Variants in TSPAN17 observed in about 807,000 individuals in gnomAD.
TSPAN17 encodes the protein tetraspanin-17.
A neutral mutation model predicts 40.5 loss-of-function variants in TSPAN17; 33 were observed. The ratio of observed to expected loss-of-function variants is 0.81; its 90% CI spans 0.62 to 1.09. TSPAN17 has a LOEUF of 1.09. Ranked by LOEUF, TSPAN17 falls within the 50% of genes least tolerant of loss-of-function variation. The pLI is 0.00. For synonymous variants in TSPAN17, 166 were observed against 169.4 expected, an observed-to-expected ratio of 0.98 and a Z score of 0.15; for missense variants, 365 against 416.8, an observed-to-expected ratio of 0.88 and a Z score of 1.08.
rs996796830 is a variant in TSPAN17 at position 176,650,863 on chromosome 5, C to T, written c.88-753C>T. Among the ~76,000 whole-genome samples, 1 of 152,180 alleles carries T rather than the reference C, an allele frequency of 6.6e-6. No homozygotes were observed. The highest frequency in any genetic ancestry group is 6.5e-5 in the Admixed American group (1 of 15,284). On this transcript the variant is annotated intron_variant, in intron 1 of 8. Transcript: ENST00000508164. This position sits in a 1 kb window ranked among gnomAD's most constrained non-coding sequence, Gnocchi z 4.0. ...TGCCCAGGGTCAGGTGTGAGAGTGACCAGCCTGGACATCCAGGGCTCTTCC... is the reference window on the plus strand; with the variant it reads ...TGCCCAGGGTCAGGTGTGAGAGTGATCAGCCTGGACATCCAGGGCTCTTCC...
At chr5:176,655,189 T>C (rs1335971810) in intron 5 of TSPAN17, among the ~76,000 whole-genome samples, 169 bp downstream of exon 5, 1 of 152,202 alleles carries the variant, frequency 6.6e-6, no homozygotes, top group Non-Finnish European at 1.5e-5. Context: ...CTGCTTTCCC[T>C]GTTCAGCAAG....
chr5:176,654,979 C>T lies in TSPAN17; in HGVS notation c.541C>T (p.Arg181Cys), dbSNP rs372576600. 27 of 1,611,498 alleles carry T rather than the reference C, an allele frequency of 1.7e-5. No homozygotes were observed. The highest frequency in any genetic ancestry group is 1.6e-4 in the Middle Eastern group (1 of 6,076). ...CACTGACTTGAACCCCAGCCGGGAGCGCTGCGGGGTGCCCTTCTCCTGCTG... is the reference window on the plus strand; with the variant it reads ...CACTGACTTGAACCCCAGCCGGGAGTGCTGCGGGGTGCCCTTCTCCTGCTG... ...NCTDLNPSRE[R>C]CGVPFSCCVR... The change falls in exon 5 of 9, where the codon CGC becomes TGC. Residue 181 changes from arginine (R) to cysteine (C), a missense_variant. Arg to Cys is a radical substitution (Grantham distance 180, BLOSUM62 -3). Coordinates refer to ENST00000508164, the MANE Select transcript of TSPAN17 (RefSeq NM_130465.5). This position sits in a 1 kb window ranked among gnomAD's most constrained non-coding sequence, Gnocchi z 4.3.
intron 5 of TSPAN17, 81 bp downstream of exon 5, chr5:176,655,101 G>C (rs1352309913): frequency 2.0e-6 from 3 of 1,467,598 alleles, no homozygotes; most frequent in Non-Finnish European, 2.7e-6. Context: ...GCCCCGCTCC[G>C]CTCTGCCCTG....
intron 5 of TSPAN17, among the ~76,000 whole-genome samples, chr5:176,655,270 A>T (rs1334890501): frequency 6.6e-6 from 1 of 152,158 alleles, no homozygotes. Flanking sequence ...ACTGGCCTGG[A>T]GGCCTCCCTG....
Position 176,651,903 on chromosome 5 carries a change from G to T in TSPAN17, c.285+3G>T, listed in dbSNP as rs1386233915. 1 of 1,613,822 alleles carries T rather than the reference G, an allele frequency of 6.2e-7. No individual in the cohort carries two copies. The highest frequency in any genetic ancestry group is 8.5e-7 in the Non-Finnish European group (1 of 1,180,012). On this transcript the variant is annotated splice_donor_region_variant and intron_variant, in intron 3 of 8. Transcript: ENST00000508164. This position sits in a 1 kb window ranked among gnomAD's most constrained non-coding sequence, Gnocchi z 4.5. Reference sequence around the variant, plus strand: ...AGAACACCTTCCTGCTCAAGTTTGTGAGTGCTGCCCTCAAGATCCCCTGGG... The same window carrying T: ...AGAACACCTTCCTGCTCAAGTTTGTTAGTGCTGCCCTCAAGATCCCCTGGG...
chr5:176,657,458 C>A, intron 8 of TSPAN17, 60 bp from the exon 9 acceptor site: 1 of 1,549,122 alleles, frequency 6.5e-7, no homozygotes, highest in South Asian at 1.2e-5. Flanking sequence ...CCACCTCAGC[C>A]TCAGTGTCCC....
At chr5:176,653,005 T>C (rs1253174213) in intron 4 of TSPAN17, 92 bp downstream of exon 4, 4 of 1,407,684 alleles carry the variant, frequency 2.8e-6, no homozygotes, top group Non-Finnish European at 4.0e-6. Flanking sequence ...GACCATCTCC[T>C]TACCCACCTG....
Position 176,654,571 on chromosome 5 carries a change from G to T in TSPAN17, c.457-324G>T. The T allele has an allele frequency of 3.4e-6, 1 of 295,744 alleles. No homozygotes were observed. The highest frequency in any genetic ancestry group is 4.8e-5 in the Admixed American group (1 of 20,994). The allele number at this position is 295,744 out of a possible 1,614,324, so 18.3% of individuals were successfully genotyped here. A position where few individuals can be genotyped will look rare whatever the true frequency, so the allele number is the denominator to read the frequency against. ...GGGCCCAGCGGTCTCTGCTGCCACAGGGCTTGGCCCAGCGCCTGCCTCTCA... is the reference window on the plus strand; with the variant it reads ...GGGCCCAGCGGTCTCTGCTGCCACATGGCTTGGCCCAGCGCCTGCCTCTCA... On this transcript the variant is annotated intron_variant, in intron 4 of 8. Transcript: ENST00000508164. The surrounding 1 kb of genome is among the most constrained non-coding windows in gnomAD (Gnocchi z 4.3).
intron 4 of TSPAN17, 182 bp downstream of exon 4, chr5:176,653,095 C>T (rs1748061177): frequency 4.8e-6 from 3 of 619,402 alleles, no homozygotes; most frequent in Admixed American, 3.0e-5. Context: ...TATGGGTCCC[C>T]ATTTGCCTAG....
chr5:176,651,600 G>A lies in TSPAN17; in HGVS notation c.88-16G>A. 6.2e-7 allele frequency: 1 copy of A among 1,610,392 alleles called. No individual in the cohort carries two copies. The highest frequency in any genetic ancestry group is 8.5e-7 in the Non-Finnish European group (1 of 1,177,958). On this transcript the variant is annotated splice_polypyrimidine_tract_variant and intron_variant, in intron 1 of 8. Transcript: ENST00000508164. This position sits in a 1 kb window ranked among gnomAD's most constrained non-coding sequence, Gnocchi z 4.5. ...GGCTGCTCCCAGCCCTGAGCTCTTT[G>A]TTGCTGCCCTTGCAGGTGCTGGGAG... is the stretch of plus-strand genomic sequence containing the variant.
rs1002207935 is a variant in TSPAN17, at chr5:176,651,105, G to A, written c.88-511G>A. ...TGTCTGGTCGTGAGCCGTGGAAGCT[G>A]ACTCTGGCAGGCGGAGGTTAAAGGG... On this transcript the variant is annotated intron_variant, in intron 1 of 8. Transcript: ENST00000508164. This position sits in a 1 kb window ranked among gnomAD's most constrained non-coding sequence, Gnocchi z 4.5. 1.8e-4 allele frequency among the ~76,000 whole-genome samples: 27 copies of A among 152,200 alleles called. 2 individuals are homozygous for A. The highest frequency in any genetic ancestry group is 7.4e-5 in the Non-Finnish European group (5 of 68,020).
Position 176,656,728 on chromosome 5 carries a change from C to T in TSPAN17, c.659C>T (p.Thr220Ile). The T allele has an allele frequency of 3.7e-6, 6 of 1,614,174 alleles. No individual in the cohort carries two copies. The highest frequency in any genetic ancestry group is 3.4e-6 in the Non-Finnish European group (4 of 1,180,010). Residue 220 changes from threonine to isoleucine, a missense_variant, in exon 7 of 9, where the codon ACC (threonine) becomes ATC (isoleucine). Physicochemically the swap from Thr to Ile is moderately conservative, Grantham distance 89. Coordinates refer to ENST00000508164, the MANE Select transcript of TSPAN17 (RefSeq NM_130465.5). ...LELEQQGFIHTKGCVGQFEKW... is the reference protein window; with the variant it reads ...LELEQQGFIHIKGCVGQFEKW... Reference sequence around the variant, plus strand: ...CTGGAGCAGCAGGGCTTCATCCACACCAAAGGCTGCGTGGGCCAGTTTGAG... The same window carrying T: ...CTGGAGCAGCAGGGCTTCATCCACATCAAAGGCTGCGTGGGCCAGTTTGAG...
intron 3 of TSPAN17, among the ~76,000 whole-genome samples, chr5:176,652,293 G>C (rs554941773): frequency 1.3e-5 from 2 of 152,300 alleles, no homozygotes; most frequent in African/African-American, 4.8e-5. Flanking sequence ...CCTGCTGGAG[G>C]CTGAGAGCTC....
Position 176,656,778 on chromosome 5 carries a change from G to A in TSPAN17, c.709G>A (p.Val237Met), listed in dbSNP as rs966618034. The A allele has an allele frequency of 1.2e-6, 2 of 1,614,100 alleles. No individual in the cohort carries two copies. Among genetic ancestry groups the A allele is most frequent in the Non-Finnish European group, 1.7e-6 (2 of 1,180,018 alleles). Residue 237 changes from valine (V) to methionine (M), a missense_variant, in exon 7 of 9, where the codon GTG becomes ATG. Physicochemically the swap from Val to Met is conservative, Grantham distance 21. Transcript: ENST00000508164. ...FEKWLQDNLIVVAGVFMGIAL... is the reference protein window; with the variant it reads ...FEKWLQDNLIMVAGVFMGIAL... ...GAAGTGGCTGCAGGACAACCTGATT[G>A]TGGTGGCGGGAGTCTTCATGGGCAT...
intron 4 of TSPAN17, chr5:176,653,713 T>C (rs890990687): frequency 3.3e-5 from 5 of 151,654 alleles, no homozygotes; most frequent in Admixed American, 6.6e-5. Context: ...GATCCAGAGG[T>C]GAAGCAGAGC....
Position 176,650,349 on chromosome 5 carries a change from A to G in TSPAN17, c.88-1267A>G, listed in dbSNP as rs1760922337. Among the ~76,000 whole-genome samples, 1 of 152,130 alleles carries G rather than the reference A, an allele frequency of 6.6e-6. No individual in the cohort carries two copies. The highest frequency in any genetic ancestry group is 1.5e-5 in the Non-Finnish European group (1 of 68,026). The stretch of plus-strand genomic sequence containing the variant: ...ACAGCCCTCCAGGAACTCCTGCTGG[A>G]GGCTGAGAGCTCACTTCCCAGCTGT... On this transcript the variant is annotated intron_variant, in intron 1 of 8. Coordinates refer to ENST00000508164, the MANE Select transcript of TSPAN17 (RefSeq NM_130465.5). The surrounding 1 kb of genome is among the most constrained non-coding windows in gnomAD (Gnocchi z 4.0).
chr5:176,656,715 G>A lies in TSPAN17; in HGVS notation c.646G>A (p.Gly216Ser), dbSNP rs773308910. The A allele has an allele frequency of 5.6e-6, 9 of 1,614,036 alleles. No individual in the cohort carries two copies. In the East Asian group the frequency reaches 6.7e-5, roughly 12 times the overall value. The change falls in exon 7 of 9, where the codon GGC (glycine) becomes AGC (serine). Residue 216 changes from glycine (G) to serine (S), a missense_variant. Gly to Ser is a moderately conservative substitution (Grantham distance 56). Transcript: ENST00000508164. ...VRLKLELEQQ[G>S]FIHTKGCVGQ... Reference sequence around the variant, plus strand: ...GTGTCCCCAGGAGCTGGAGCAGCAGGGCTTCATCCACACCAAAGGCTGCGT... The same window carrying A: ...GTGTCCCCAGGAGCTGGAGCAGCAGAGCTTCATCCACACCAAAGGCTGCGT...
rs772115107 is a variant in TSPAN17, at chr5:176,651,676, C to T, written c.138+10C>T. On this transcript the variant is annotated intron_variant, in intron 2 of 8. Transcript: ENST00000508164. The surrounding 1 kb of genome is among the most constrained non-coding windows in gnomAD (Gnocchi z 4.5). The stretch of plus-strand genomic sequence containing the variant: ...GGCCTGGGGTGAGAAGGTAAGGCAG[C>T]GGGCGGGCGTGGAGCTGGTATGGGA... 80 of 1,613,790 alleles carry T rather than the reference C, an allele frequency of 5.0e-5. 1 individual carries two copies. The highest frequency in any genetic ancestry group is 4.5e-4 in the South Asian group (41 of 91,074).
In TSPAN17 at chr5:176,655,014, C is replaced by T. The variant is rs377734111; in HGVS notation, c.576C>T (p.Asp192=). Residue 192 remains aspartate (D), a synonymous_variant, in exon 5 of 9, where the codon GAC becomes GAT. Transcript: ENST00000508164. ...CGVPFSCCVR[D]PAEDVLNTQC... ...TGCCCTTCTCCTGCTGCGTCAGGGACCCTGCGGTGAGTGGGGCTGGGGGAG... is the reference window on the plus strand; with the variant it reads ...TGCCCTTCTCCTGCTGCGTCAGGGATCCTGCGGTGAGTGGGGCTGGGGGAG... 3.8e-5 allele frequency: 61 copies of T among 1,604,582 alleles called. No individual in the cohort carries two copies. Among genetic ancestry groups the T allele is most frequent in the Non-Finnish European group, 5.1e-5 (60 of 1,175,346 alleles).
Sources: gnomAD v4.1 joint callset for allele counts (sites outside exome capture counted in the v4.1 genomes callset) on GRCh38, gnomAD v4.1.1 for gene constraint, Gnocchi (gnomAD v3.1) non-coding constraint, MANE v1.5 for transcripts, NCBI Gene and HGNC (gene_info 2026-07-23, HGNC 2026-07-21) for gene names.